CDK13: variants seen among roughly 807,000 people sequenced by gnomAD.
The protein encoded by CDK13 is cyclin-dependent kinase 13.
In CDK13, 40 loss-of-function variants were observed where a neutral mutation model predicts 137.6. That is an observed-to-expected ratio of 0.29 (90% CI 0.23 to 0.38). The LOEUF (loss-of-function observed/expected upper bound fraction) is 0.38. CDK13 is among the 10% of genes least tolerant of loss of function. The probability of loss-of-function intolerance (pLI) is 1.00; values close to 1 mark genes in which losing one functional copy is unlikely to be tolerated. For synonymous variants in CDK13, 869 were observed against 760.1 expected (o/e 1.14, Z -2.36); for missense variants, 1,704 against 1,951.8 (o/e 0.87, Z 2.39).
chr7:39,956,415 C>A (rs1167810508), intron 1 of CDK13, among the ~76,000 whole-genome samples: 2 of 152,200 alleles, frequency 1.3e-5, no homozygotes, highest in Non-Finnish European at 2.9e-5. Flanking sequence ...ATATTTATTT[C>A]TTTCCATTTC....
intron 1 of CDK13, among the ~76,000 whole-genome samples, chr7:39,976,183 C>T (rs1784100370): frequency 6.6e-6 from 1 of 151,450 alleles, no homozygotes; most frequent in African/African-American, 2.4e-5. Flanking sequence ...ATCCCAGCTA[C>T]TTGGGAGGCT....
chr7:40,078,552 G>A, intron 10 of CDK13, 168 bp from the exon 11 acceptor site: 1 of 320,658 alleles, frequency 3.1e-6, no homozygotes. Context: ...GGAAAATTCG[G>A]ATTTATTGAA....
At chr7:40,051,741 T>A (rs2150520169) in intron 7 of CDK13, among the ~76,000 whole-genome samples, 1 of 152,314 alleles carries the variant, frequency 6.6e-6, no homozygotes, top group East Asian at 1.9e-4. Context: ...GAGTTACAGC[T>A]AGTACTTGGG....
chr7:39,989,086 C>CAAAAAA lies in CDK13; in HGVS notation c.1871+848_1871+853dup, dbSNP rs1213730855. Among the ~76,000 whole-genome samples, 122 of 46,540 alleles carry CAAAAAA rather than the reference C, an allele frequency of 2.6e-3. 2 individuals carry two copies. Among genetic ancestry groups the CAAAAAA allele is most frequent in the African/African-American group, 4.0e-3 (43 of 10,720 alleles). 30.5% of individuals were successfully genotyped at this position (46,540 alleles called of 152,430 possible). The stretch of plus-strand genomic sequence containing the variant: ...GTGACACAGTAAGACCGTGTCTCAC[C>CAAAAAA]AAAAAAAAAAAAAAAAAAAAAAAAA... On this transcript the variant is annotated intron_variant, in intron 2 of 13. Coordinates refer to ENST00000181839, the MANE Select transcript of CDK13 (RefSeq NM_003718.5).
At position 40,010,542 on chromosome 7, in the gene CDK13, G is replaced by T. The variant is rs1784873585; in HGVS notation, c.2353+8511G>T. On this transcript the variant is annotated intron_variant, in intron 5 of 13. Transcript: ENST00000181839. ...CTACTAAAAATACAAAAATTAGCTGGGCATGGTGGCATGCACCTGTAATCC... is the reference window on the plus strand; with the variant it reads ...CTACTAAAAATACAAAAATTAGCTGTGCATGGTGGCATGCACCTGTAATCC... 2.0e-5 allele frequency among the ~76,000 whole-genome samples: 3 copies of T among 152,098 alleles called. No homozygotes were observed. In the South Asian group the frequency reaches 6.2e-4, roughly 31 times the overall value.
chr7:39,985,301 C>A (rs1784314356), intron 1 of CDK13: 1 of 152,222 alleles, frequency 6.6e-6, no homozygotes, highest in African/African-American at 2.4e-5. Context: ...GTGACGGGAT[C>A]TCATTTTCTT....
At chr7:39,997,784 A>G (rs974190415) in intron 3 of CDK13, 120 bp downstream of exon 3, 14 of 716,376 alleles carry the variant, frequency 2.0e-5, no homozygotes, top group African/African-American at 5.6e-5. Flanking sequence ...TTCAACTTAA[A>G]TATATGAATT....
At chr7:39,970,071 C>G (rs893507528) in intron 1 of CDK13, among the ~76,000 whole-genome samples, 2 of 141,678 alleles carry the variant, frequency 1.4e-5, no homozygotes, top group Non-Finnish European at 3.0e-5. Context: ...CAGGCATGTT[C>G]TCAGCTCACT....
intron 1 of CDK13, among the ~76,000 whole-genome samples, chr7:39,982,754 C>G (rs1031250666): frequency 2.0e-5 from 3 of 152,198 alleles, no homozygotes; most frequent in Non-Finnish European, 4.4e-5. Flanking sequence ...ATTTGCATTT[C>G]TCTGATGGCC....
chr7:40,090,643 G>A (rs947109851), intron 12 of CDK13, among the ~76,000 whole-genome samples: 23 of 152,164 alleles, frequency 1.5e-4, no homozygotes, highest in African/African-American at 5.3e-4. Context: ...CCAGCACTCT[G>A]GGAGGCCGGG....
At chr7:39,975,002 T>C (rs750501124) in intron 1 of CDK13, among the ~76,000 whole-genome samples, 1 of 152,210 alleles carries the variant, frequency 6.6e-6, no homozygotes, top group Non-Finnish European at 1.5e-5. Context: ...AGCTGCAGAT[T>C]CGTCATAAAT....
chr7:39,979,216 C>CTTTTTTTTTTT (rs71560152), intron 1 of CDK13, among the ~76,000 whole-genome samples: 7 of 130,888 alleles, frequency 5.3e-5, no homozygotes, highest in Middle Eastern at 3.9e-3. Flanking sequence ...TCTTTTTTTT[C>CTTTTTTTTTTT]TTTTTTTTTT....
chr7:40,020,303 A>C (rs1010589270), intron 5 of CDK13, among the ~76,000 whole-genome samples: 1 of 152,060 alleles, frequency 6.6e-6, no homozygotes, highest in Non-Finnish European at 1.5e-5. Flanking sequence ...CCTAGGCTCA[A>C]ACAATCCTCC....
chr7:40,081,728 T>C (rs536088628), intron 11 of CDK13, among the ~76,000 whole-genome samples: 4 of 152,304 alleles, frequency 2.6e-5, no homozygotes, highest in Admixed American at 2.0e-4. Context: ...TCTTGTTGCC[T>C]CAGCCTCCTG....
At chr7:40,047,151 T>G (rs1405477491) in intron 6 of CDK13, among the ~76,000 whole-genome samples, 2 of 152,178 alleles carry the variant, frequency 1.3e-5, no homozygotes, top group East Asian at 3.8e-4. Context: ...AGCTTTAGGT[T>G]AAGAATAGAT....
At position 39,987,688 on chromosome 7, in the gene CDK13, G is replaced by A. The variant is rs755212969; in HGVS notation, c.1301G>A (p.Arg434His). ...SRHRLSRSRSRHSSISPSTLT... is the reference protein window; with the variant it reads ...SRHRLSRSRSHHSSISPSTLT... ...CACAGATTGTCTAGATCCAGAAGTC[G>A]TCATTCTAGTATTTCTCCTAGCACA... The change falls in exon 2 of 14, where the codon CGT becomes CAT. Residue 434 changes from arginine (R) to histidine (H), a missense_variant. Around this residue, in one of 5 missense-constraint regions of CDK13, gnomAD observed 1,051 missense variants for 931.0 expected, o/e 1.13. Coordinates refer to ENST00000181839, the MANE Select transcript of CDK13 (RefSeq NM_003718.5). 2.4e-5 allele frequency: 38 copies of A among 1,613,698 alleles called. No individual in the cohort carries two copies. The highest frequency in any genetic ancestry group is 2.9e-5 in the Non-Finnish European group (34 of 1,179,956).
chr7:39,960,308 C>T (rs370070013), intron 1 of CDK13, among the ~76,000 whole-genome samples: 1 of 150,038 alleles, frequency 6.7e-6, no homozygotes, highest in African/African-American at 2.5e-5. Flanking sequence ...TGCAGTGGCA[C>T]GCAGTGTCAT....
chr7:40,056,080 A>C (rs1786015236), intron 7 of CDK13, among the ~76,000 whole-genome samples: 1 of 152,178 alleles, frequency 6.6e-6, no homozygotes, highest in Non-Finnish European at 1.5e-5. Flanking sequence ...ATAGTATACT[A>C]TATTACTGAA....
intron 5 of CDK13, among the ~76,000 whole-genome samples, chr7:40,003,206 A>ACACACTCTCTCTCT (rs374470130): frequency 4.0e-4 from 32 of 79,904 alleles, no homozygotes; most frequent in South Asian, 2.0e-3. Context: ...ACACACACAC[A>ACACACTCTCTCTCT]CTCTCTCTCT....
Sources: allele counts gnomAD v4.1 joint callset (sites outside exome capture counted in the v4.1 genomes callset), GRCh38; gene constraint gnomAD v4.1.1; regional missense constraint gnomAD v4.1.1; transcripts MANE v1.5; gene names NCBI Gene and HGNC (gene_info 2026-07-23, HGNC 2026-07-21).